NR3C1: variants seen among roughly 807,000 people sequenced by gnomAD.
The protein encoded by NR3C1 is glucocorticoid receptor.
In NR3C1, 14 loss-of-function variants were observed where a neutral mutation model predicts 74.0. The observed-to-expected ratio is 0.19, with a 90% confidence interval of 0.12 to 0.30. The LOEUF is 0.30. NR3C1 is among the 10% of genes least tolerant of loss of function. The pLI is 1.00. For synonymous variants in NR3C1, 308 were observed against 332.5 expected, an observed-to-expected ratio of 0.93 and a Z score of 0.80; for missense variants, 695 against 909.8, an observed-to-expected ratio of 0.76 and a Z score of 3.04.
Position 143,357,653 on chromosome 5 carries a change from C to T in NR3C1, c.1184+42003G>A, listed in dbSNP as rs539540427. On this transcript the variant is annotated intron_variant, in intron 2 of 8. Coordinates refer to ENST00000394464, the MANE Select transcript of NR3C1 (RefSeq NM_000176.3). Reference sequence around the variant, plus strand: ...TAGAGCCACGTAGATTCCTAGATTCCACACTCACTTTTTCTTTTTATGTTG... The same window carrying T: ...TAGAGCCACGTAGATTCCTAGATTCTACACTCACTTTTTCTTTTTATGTTG... 2.6e-5 allele frequency among the ~76,000 whole-genome samples: 4 copies of T among 152,268 alleles called. No homozygotes were observed. In the East Asian group the frequency reaches 7.7e-4, roughly 29 times the overall value.
upstream of NR3C1, chr5:143,405,045 G>A (rs913189626): frequency 4.7e-6 from 4 of 848,442 alleles, no homozygotes; most frequent in African/African-American, 3.7e-5. Flanking sequence ...GAAAGGAGAG[G>A]GCCGTGGGGC....
At chr5:143,333,633 T>C (rs1234165921) in intron 2 of NR3C1, among the ~76,000 whole-genome samples, 1 of 152,082 alleles carries the variant, frequency 6.6e-6, no homozygotes, top group Non-Finnish European at 1.5e-5. Flanking sequence ...CTGGGTGTGG[T>C]GGCACGTGCC....
chr5:143,317,932 G>A (rs1399526635), intron 2 of NR3C1, among the ~76,000 whole-genome samples: 1 of 152,106 alleles, frequency 6.6e-6, no homozygotes, highest in Non-Finnish European at 1.5e-5. Context: ...GTACTATTAC[G>A]AAGAGAATCA....
intron 2 of NR3C1, among the ~76,000 whole-genome samples, chr5:143,346,395 T>C (rs1829293872): frequency 6.6e-6 from 1 of 152,204 alleles, no homozygotes; most frequent in Admixed American, 6.5e-5. Context: ...GAAGAGGAGA[T>C]GTAACAGAAG....
chr5:143,388,502 G>T (rs1408866648), intron 2 of NR3C1, among the ~76,000 whole-genome samples: 1 of 152,208 alleles, frequency 6.6e-6, no homozygotes, highest in Non-Finnish European at 1.5e-5. Flanking sequence ...ACAGGAGTAA[G>T]CAAGGCAGAC....
intron 1 of NR3C1, among the ~76,000 whole-genome samples, chr5:143,413,839 G>T (rs909067093): frequency 2.6e-4 from 40 of 152,110 alleles, no homozygotes; most frequent in Non-Finnish European, 5.0e-4. Context: ...ACAAATGAAA[G>T]AGAGAGAAGA....
At chr5:143,343,645 AT>A in intron 2 of NR3C1, among the ~76,000 whole-genome samples, 1 of 152,334 alleles carries the variant, frequency 6.6e-6, no homozygotes, top group South Asian at 2.1e-4. Flanking sequence ...AACCATCAGA[AT>A]ATGCCATATG....
chr5:143,392,800 A>G (rs1838505019), intron 2 of NR3C1, among the ~76,000 whole-genome samples: 1 of 152,230 alleles, frequency 6.6e-6, no homozygotes, highest in Non-Finnish European at 1.5e-5. Context: ...TTAAAAATCT[A>G]AATGAGTCAA....
At chr5:143,332,680 G>T in intron 2 of NR3C1, 6 of 1,581,514 alleles carry the variant, frequency 3.8e-6, no homozygotes, top group Non-Finnish European at 5.2e-6. Flanking sequence ...GATTCCTGGC[G>T]GCAGAAACGT....
chr5:143,333,150 A>G, intron 2 of NR3C1: 1 of 1,575,588 alleles, frequency 6.3e-7, no homozygotes, highest in African/African-American at 1.4e-5. Flanking sequence ...CCATCATGCT[A>G]CCAAAAATAG....
At chr5:143,285,811 CAATT>C (rs1814287185) in intron 7 of NR3C1, among the ~76,000 whole-genome samples, 1 of 151,820 alleles carries the variant, frequency 6.6e-6, no homozygotes, top group East Asian at 1.9e-4. Context: ...AGAAAGGTCT[CAATT>C]AATTATATAT....
chr5:143,313,031 TCTAA>T (rs1409671126), intron 3 of NR3C1, among the ~76,000 whole-genome samples: 5 of 152,230 alleles, frequency 3.3e-5, no homozygotes, highest in Admixed American at 6.5e-5. Context: ...AAATGACTCA[TCTAA>T]CTCTCATGGA....
chr5:143,296,003 A>AAAATT (rs1817083479), intron 6 of NR3C1, among the ~76,000 whole-genome samples: 1 of 152,242 alleles, frequency 6.6e-6, no homozygotes, highest in African/African-American at 2.4e-5. Context: ...ACAGCAGTCC[A>AAAATT]TCCTAAAGAC....
intron 1 of NR3C1, among the ~76,000 whole-genome samples, chr5:143,427,235 C>A (rs566290228): frequency 1.5e-4 from 23 of 151,012 alleles, no homozygotes; most frequent in Admixed American, 1.3e-3. Flanking sequence ...ATTTTTTTTT[C>A]ATAGAGATTT....
At chr5:143,305,864 A>C (rs1411844862) in intron 4 of NR3C1, among the ~76,000 whole-genome samples, 1 of 152,210 alleles carries the variant, frequency 6.6e-6, no homozygotes, top group African/African-American at 2.4e-5. Flanking sequence ...AAACCTGTAC[A>C]TGTACCCCTA....
At chr5:143,412,099 TG>T (rs770083364) in intron 1 of NR3C1, among the ~76,000 whole-genome samples, 3 of 151,976 alleles carry the variant, frequency 2.0e-5, no homozygotes, top group Non-Finnish European at 4.4e-5. Context: ...CTTAGTTGAA[TG>T]GGGTGAGTGC....
rs140005059 is a variant in NR3C1 at position 143,343,657 on chromosome 5, C to T, written c.1185-29489G>A. ...CCTAACCATCAGAATATGCCATATG[C>T]TTCCTCTTTCTTACAAGTTGCAATA... On this transcript the variant is annotated intron_variant, in intron 2 of 8. Coordinates refer to ENST00000394464, the MANE Select transcript of NR3C1 (RefSeq NM_000176.3). 2.4e-4 allele frequency among the ~76,000 whole-genome samples: 36 copies of T among 152,292 alleles called. No homozygotes were observed. In the East Asian group the frequency reaches 6.7e-3, roughly 29 times the overall value.
At chr5:143,405,234 C>T (rs1262951029), upstream of NR3C1, 9 of 985,634 alleles carry the variant, frequency 9.1e-6, no homozygotes, top group East Asian at 1.1e-4. Context: ...AACTTTTGCG[C>T]CCCCACAGGT....
intron 1 of NR3C1, among the ~76,000 whole-genome samples, chr5:143,424,916 A>C (rs1751451576): frequency 6.6e-6 from 1 of 152,222 alleles, no homozygotes; most frequent in Non-Finnish European, 1.5e-5. Context: ...TGTTTTAAAA[A>C]AATACTTAAC....
Sources: gnomAD v4.1 joint callset for allele counts (sites outside exome capture counted in the v4.1 genomes callset) on GRCh38, gnomAD v4.1.1 for gene constraint, MANE v1.5 for transcripts, NCBI Gene and HGNC (gene_info 2026-07-23, HGNC 2026-07-21) for gene names.